The following VAV3 variants were observed in gnomAD, a reference collection of about 807,000 sequenced individuals.
VAV3 encodes guanine nucleotide exchange factor VAV3.
VAV3 carries 94 observed loss-of-function variants against 131.2 expected under a neutral mutation model. The ratio of observed to expected loss-of-function variants is 0.72; its 90% confidence interval spans 0.61 to 0.85. The LOEUF (loss-of-function observed/expected upper bound fraction) is 0.85, where lower values mean the gene tolerates loss of function less well. VAV3 is among the 40% of genes least tolerant of loss of function. The pLI is 0.00. For synonymous variants in VAV3, 349 were observed against 342.0 expected, an observed-to-expected ratio of 1.02 and a Z score of -0.22; for missense variants, 939 against 1,002.7, an observed-to-expected ratio of 0.94 and a Z score of 0.86.
Position 107,843,350 on chromosome 1 carries a change from C to T in VAV3, c.321+31551G>A, listed in dbSNP as rs563468400. 2.9e-5 allele frequency among the ~76,000 whole-genome samples: 4 copies of T among 139,774 alleles called. No individual in the cohort carries two copies. In the South Asian group the frequency reaches 9.6e-4, roughly 34 times the overall value. The allele number at this position is 139,774 out of a possible 152,430, so 91.7% of individuals were successfully genotyped here. ...TAGAATTTGACTAGATATGTGAAGC[C>T]CTTAGCACAACACAAATATATATAT... On this transcript the variant is annotated intron_variant, in intron 2 of 26. Coordinates refer to ENST00000370056, the MANE Select transcript of VAV3 (RefSeq NM_006113.5).
chr1:107,682,628 C>T (rs1313170677), intron 19 of VAV3, among the ~76,000 whole-genome samples: 3 of 152,176 alleles, frequency 2.0e-5, no homozygotes, highest in African/African-American at 7.2e-5. Context: ...ACTGGCAATG[C>T]TACCATGGGT....
intron 19 of VAV3, among the ~76,000 whole-genome samples, chr1:107,680,801 C>G (rs528859374): frequency 3.3e-5 from 5 of 152,214 alleles, no homozygotes; most frequent in African/African-American, 1.2e-4. Context: ...AACTATGGCA[C>G]AGAGAGAGGA....
At chr1:107,574,963 C>CTCTG (rs1304869776) in intron 25 of VAV3, among the ~76,000 whole-genome samples, 11 of 81,114 alleles carry the variant, frequency 1.4e-4, no homozygotes, top group South Asian at 1.2e-3. Context: ...TTGAGTTTCT[C>CTCTG]TGTGTGTGTG....
intron 2 of VAV3, among the ~76,000 whole-genome samples, chr1:107,854,965 G>C (rs1030613056): frequency 4.6e-5 from 7 of 152,124 alleles, no homozygotes; most frequent in Admixed American, 3.3e-4. Flanking sequence ...CCATCCCTTT[G>C]TGCCTTTGCC....
chr1:107,721,186 A>T (rs979226697), intron 15 of VAV3, among the ~76,000 whole-genome samples: 11 of 152,212 alleles, frequency 7.2e-5, no homozygotes, highest in African/African-American at 2.7e-4. Flanking sequence ...CGTGAAGTTA[A>T]CGGAATTCAA....
At chr1:107,785,675 G>C in intron 2 of VAV3, 1 of 1,110,278 alleles carries the variant, frequency 9.0e-7, no homozygotes, top group South Asian at 2.1e-5. Flanking sequence ...TTGGGCCCCA[G>C]AAGAGGGAAC....
At chr1:107,599,534 T>C (rs1651672464) in intron 24 of VAV3, among the ~76,000 whole-genome samples, 1 of 152,174 alleles carries the variant, frequency 6.6e-6, no homozygotes, top group East Asian at 1.9e-4. Context: ...CATTTGGACA[T>C]GGACTGTCTC....
intron 19 of VAV3, among the ~76,000 whole-genome samples, chr1:107,667,738 A>G (rs1657513233): frequency 6.6e-6 from 1 of 152,188 alleles, no homozygotes; most frequent in Non-Finnish European, 1.5e-5. Context: ...AGTATAAAAA[A>G]CAAACAGAAG....
intron 17 of VAV3, among the ~76,000 whole-genome samples, chr1:107,696,574 T>G (rs1028930354): frequency 6.6e-6 from 1 of 152,328 alleles, no homozygotes; most frequent in Admixed American, 6.5e-5. Context: ...TTTTTGTTGC[T>G]TGAGAGTATA....
chr1:107,882,180 T>G (rs1305841417), intron 1 of VAV3, among the ~76,000 whole-genome samples: 4 of 152,200 alleles, frequency 2.6e-5, no homozygotes, highest in Admixed American at 6.5e-5. Flanking sequence ...TGACATTTCA[T>G]GAGAAGGTCG....
chr1:107,761,721 T>C (rs1664443098), intron 9 of VAV3, among the ~76,000 whole-genome samples: 1 of 152,200 alleles, frequency 6.6e-6, no homozygotes, highest in Non-Finnish European at 1.5e-5. Flanking sequence ...CTCTCTGTCT[T>C]GTGGGTCTTT....
At chr1:107,943,427 T>C (rs1674094422) in intron 1 of VAV3, among the ~76,000 whole-genome samples, 2 of 152,182 alleles carry the variant, frequency 1.3e-5, no homozygotes, top group African/African-American at 4.8e-5. Context: ...ATTTATCATT[T>C]CCTTGGCTTG....
intron 2 of VAV3, among the ~76,000 whole-genome samples, chr1:107,846,482 A>C (rs1571034911): frequency 1.3e-5 from 2 of 152,208 alleles, no homozygotes; most frequent in East Asian, 3.8e-4. Context: ...AATTGGATAA[A>C]GAGTCAAGAC....
intron 3 of VAV3, 119 bp downstream of exon 3, chr1:107,779,315 A>AC (rs1665549814): frequency 1.3e-6 from 1 of 790,402 alleles, no homozygotes; most frequent in Non-Finnish European, 1.8e-6. Flanking sequence ...CATACCAGGC[A>AC]CTCTTCATGA....
At chr1:107,764,137 C>G (rs6703924) in intron 9 of VAV3, among the ~76,000 whole-genome samples, 99,356 of 151,246 alleles carry the variant, frequency 0.66, 33,287 homozygotes, top group Non-Finnish European at 0.71. Context: ...CAAAAAAACA[C>G]GACTTAACCT....
At chr1:107,617,453 A>T (rs1235661556) in intron 21 of VAV3, 114 bp downstream of exon 21, 3 of 769,536 alleles carry the variant, frequency 3.9e-6, no homozygotes, top group Admixed American at 3.0e-5. Context: ...CTTCCAGAAA[A>T]TATTAATAAA....
chr1:107,701,370 G>A (rs72705619), intron 17 of VAV3, among the ~76,000 whole-genome samples: 84,694 of 151,884 alleles, frequency 0.56, 24,649 homozygotes, highest in Non-Finnish European at 0.63. Context: ...GCCCCTTTTC[G>A]CCATGGCTGG....
chr1:107,742,435 C>T (rs1176375664), intron 15 of VAV3, among the ~76,000 whole-genome samples: 1 of 152,178 alleles, frequency 6.6e-6, no homozygotes, highest in African/African-American at 2.4e-5. Context: ...CCAGACAGTT[C>T]AGCCTTGGGC....
intron 2 of VAV3, among the ~76,000 whole-genome samples, chr1:107,790,614 G>A (rs559074353): frequency 7.8e-4 from 117 of 149,878 alleles, no homozygotes; most frequent in African/African-American, 2.7e-3. Context: ...TTCTGCTACA[G>A]CATTTTCATA....
Sources: allele counts gnomAD v4.1 joint callset (sites outside exome capture counted in the v4.1 genomes callset), GRCh38; gene constraint gnomAD v4.1.1; transcripts MANE v1.5; gene names NCBI Gene and HGNC (gene_info 2026-07-23, HGNC 2026-07-21).